The following MAP4K3 variants were observed in gnomAD, a reference collection of about 807,000 sequenced individuals.
MAP4K3 encodes the protein mitogen-activated protein kinase kinase kinase kinase 3.
MAP4K3 carries 94 observed loss-of-function variants against 143.5 expected under a neutral mutation model. The observed-to-expected ratio is 0.65, with a 90% confidence interval of 0.55 to 0.78. MAP4K3 has a LOEUF of 0.78. MAP4K3 is among the 30% of genes least tolerant of loss of function. The pLI is 0.00. For synonymous variants in MAP4K3, 416 were observed against 347.2 expected (o/e 1.20, Z -2.20); for missense variants, 1,077 against 1,068.1 (o/e 1.01, Z -0.12).
intron 26 of MAP4K3, among the ~76,000 whole-genome samples, chr2:39,268,632 C>CTGTTTTTTTTTTTTTT (rs1389888924): frequency 2.2e-5 from 1 of 45,736 alleles, no homozygotes; most frequent in Non-Finnish European, 5.7e-5. Context: ...AAGATTTTTT[C>CTGTTTTTTTTTTTTTT]TATTTTTTTT....
intron 2 of MAP4K3, among the ~76,000 whole-genome samples, chr2:39,358,728 T>C (rs1665680960): frequency 6.6e-6 from 1 of 152,164 alleles, no homozygotes; most frequent in South Asian, 2.1e-4. Flanking sequence ...GTTTAATACA[T>C]TAATAATCCA....
At chr2:39,321,558 C>T (rs1036377675) in intron 12 of MAP4K3, among the ~76,000 whole-genome samples, 4 of 152,038 alleles carry the variant, frequency 2.6e-5, no homozygotes, top group African/African-American at 7.2e-5. Flanking sequence ...AAGACCTGAC[C>T]GTCCCCCAGC....
intron 1 of MAP4K3, among the ~76,000 whole-genome samples, chr2:39,416,476 C>A (rs1325573445): frequency 6.6e-6 from 1 of 152,086 alleles, no homozygotes; most frequent in Non-Finnish European, 1.5e-5. Context: ...AATAATCTGG[C>A]AATCATCATG....
intron 1 of MAP4K3, chr2:39,379,854 C>A (rs1176130119): frequency 2.4e-5 from 4 of 167,738 alleles, no homozygotes; most frequent in East Asian, 1.9e-4. Flanking sequence ...TTACCAATGA[C>A]CACAGGAGGG....
At chr2:39,406,237 A>G (rs994356000) in intron 1 of MAP4K3, among the ~76,000 whole-genome samples, 1 of 152,158 alleles carries the variant, frequency 6.6e-6, no homozygotes, top group Admixed American at 6.5e-5. Context: ...CAAGATCTAG[A>G]AAAAAGCCTC....
intron 2 of MAP4K3, among the ~76,000 whole-genome samples, chr2:39,365,430 A>ATTTTTT (rs151026787): frequency 2.3e-5 from 2 of 87,926 alleles, no homozygotes; most frequent in Admixed American, 1.3e-4. Context: ...CGCCATAGTA[A>ATTTTTT]TTTTTTTTTT....
intron 19 of MAP4K3, among the ~76,000 whole-genome samples, chr2:39,288,810 T>C (rs1033145719): frequency 2.0e-5 from 3 of 152,176 alleles, no homozygotes; most frequent in African/African-American, 4.8e-5. Context: ...CCCAGCACTT[T>C]GGGAGGCTGA....
At chr2:39,292,938 T>A (rs752736515) in intron 17 of MAP4K3, 112 bp from the exon 18 acceptor site, 9 of 886,740 alleles carry the variant, frequency 1.0e-5, no homozygotes, top group Admixed American at 2.2e-5. Context: ...TATTTCTGCA[T>A]CTTTATAGGA....
At chr2:39,360,291 G>A (rs1429808206) in intron 2 of MAP4K3, among the ~76,000 whole-genome samples, 3 of 152,180 alleles carry the variant, frequency 2.0e-5, no homozygotes, top group Non-Finnish European at 4.4e-5. Context: ...ATCTCCATCT[G>A]ACAGCACCTC....
Position 39,325,731 on chromosome 2 carries a change from T to C in MAP4K3, c.806A>G (p.Gln269Arg). ...KKRPTAEKLL[Q>R]HPFVTQHLTR... ...TATATTTCAGGGCAAAAATAATACC[T>C]GTAATAATTTTTCAGCAGTAGGTCT... The change falls in exon 11 of 34, where the codon CAG becomes CGG. Residue 269 changes from glutamine (Q) to arginine (R), a missense_variant and splice_region_variant. This residue lies in a region of MAP4K3 where 864 missense variants were observed against 801.2 expected (regional missense o/e 1.08). Transcript: ENST00000263881. 4.4e-6 allele frequency: 7 copies of C among 1,601,692 alleles called. No individual in the cohort carries two copies. Among genetic ancestry groups the C allele is most frequent in the Non-Finnish European group, 4.3e-6 (5 of 1,172,452 alleles).
chr2:39,382,773 C>T (rs1410912458), intron 1 of MAP4K3, among the ~76,000 whole-genome samples: 1 of 152,194 alleles, frequency 6.6e-6, no homozygotes, highest in African/African-American at 2.4e-5. Context: ...TGCTGATACA[C>T]AGTCAGGTTT....
intron 3 of MAP4K3, among the ~76,000 whole-genome samples, chr2:39,346,122 T>C (rs1194120457): frequency 6.6e-6 from 1 of 152,142 alleles, no homozygotes; most frequent in Admixed American, 6.5e-5. Flanking sequence ...AGTGGCCTGG[T>C]ATTAAGAACT....
At chr2:39,267,747 G>T (rs1227625452) in intron 26 of MAP4K3, among the ~76,000 whole-genome samples, 1 of 151,418 alleles carries the variant, frequency 6.6e-6, no homozygotes, top group South Asian at 2.1e-4. Flanking sequence ...GTTCCAAATG[G>T]GTTAAGGGTT....
chr2:39,380,490 T>C (rs1666331110), intron 1 of MAP4K3, among the ~76,000 whole-genome samples: 1 of 152,170 alleles, frequency 6.6e-6, no homozygotes, highest in South Asian at 2.1e-4. Flanking sequence ...CAGTTTATTT[T>C]TTAAAAAGGA....
intron 4 of MAP4K3, among the ~76,000 whole-genome samples, chr2:39,342,566 T>C (rs1470910789): frequency 2.0e-5 from 3 of 152,196 alleles, no homozygotes; most frequent in African/African-American, 7.2e-5. Context: ...GTAATCCCAG[T>C]AAAATACTAT....
chr2:39,374,511 G>A (rs954698739), intron 2 of MAP4K3, among the ~76,000 whole-genome samples: 4 of 151,786 alleles, frequency 2.6e-5, no homozygotes, highest in Admixed American at 6.6e-5. Flanking sequence ...GTGAAACCCC[G>A]TCTCTACTAA....
intron 8 of MAP4K3, among the ~76,000 whole-genome samples, chr2:39,328,647 C>T (rs1433956550): frequency 1.3e-5 from 2 of 152,156 alleles, no homozygotes; most frequent in Non-Finnish European, 2.9e-5. Flanking sequence ...CTTACCACCA[C>T]AGCATACAAG....
At chr2:39,399,542 G>A (rs139698010) in intron 1 of MAP4K3, among the ~76,000 whole-genome samples, 1 of 152,244 alleles carries the variant, frequency 6.6e-6, no homozygotes, top group East Asian at 1.9e-4. Flanking sequence ...GAAGACAAAA[G>A]TCTACATGTA....
chr2:39,422,388 T>C (rs1311100399), intron 1 of MAP4K3, among the ~76,000 whole-genome samples: 1 of 152,108 alleles, frequency 6.6e-6, no homozygotes, highest in Non-Finnish European at 1.5e-5. Context: ...CTCCTCATGT[T>C]TGGAAACAGA....
Sources: gnomAD v4.1 joint callset for allele counts (sites outside exome capture counted in the v4.1 genomes callset) on GRCh38, gnomAD v4.1.1 for gene constraint, gnomAD v4.1.1 regional missense constraint, MANE v1.5 for transcripts, NCBI Gene and HGNC (gene_info 2026-07-23, HGNC 2026-07-21) for gene names.